TSEN15: variants seen among roughly 807,000 people sequenced by gnomAD.
TSEN15 encodes the protein tRNA splicing endonuclease subunit 15.
A neutral mutation model predicts 20.5 loss-of-function variants in TSEN15; 10 were observed. The ratio of observed to expected loss-of-function variants is 0.49; its 90% confidence interval spans 0.30 to 0.83. TSEN15 has a LOEUF of 0.83. Among genes scored for constraint, TSEN15 ranks in the 40% least tolerant of loss-of-function variants. The probability of loss-of-function intolerance (pLI) is 0.06; values close to 1 mark genes in which losing one functional copy is unlikely to be tolerated. For synonymous variants in TSEN15, 72 were observed against 80.1 expected (o/e 0.90, Z 0.54); for missense variants, 180 against 218.6 (o/e 0.82, Z 1.11).
At chr1:184,060,926 T>A (rs999675275) in intron 3 of TSEN15, among the ~76,000 whole-genome samples, 12 of 152,234 alleles carry the variant, frequency 7.9e-5, no homozygotes, top group Admixed American at 5.2e-4. Flanking sequence ...ACTCTTGTAA[T>A]TATAACTAAG....
intron 3 of TSEN15, chr1:184,058,103 A>G (rs985993858): frequency 2.6e-6 from 1 of 384,750 alleles, no homozygotes; most frequent in Non-Finnish European, 5.0e-6. Context: ...AATCAAAATC[A>G]TTTCATAAGT....
Position 184,051,785 on chromosome 1 carries a change from C to A in TSEN15, c.30C>A (p.Thr10=), listed in dbSNP as rs1171727196. 19 of 1,519,328 alleles carry A rather than the reference C, an allele frequency of 1.3e-5. No homozygotes were observed. The highest frequency in any genetic ancestry group is 1.6e-5 in the Non-Finnish European group (18 of 1,134,146). The allele number at this position is 1,519,328 out of a possible 1,614,324, so 94.1% of individuals were successfully genotyped here. The change falls in exon 1 of 5, where the codon ACC becomes ACA. Residue 10 remains threonine (T), a synonymous_variant. Transcript: ENST00000645668. ...AGGAGCGCGGCGATTCCGAGCCGAC[C>A]CCCGGCTGCAGCGGCCTGGGTCCGG... is the stretch of plus-strand genomic sequence containing the variant. The part of the protein sequence containing the change: MEERGDSEP[T]PGCSGLGPGG...
rs775231311 is a variant in TSEN15 at position 184,051,799 on chromosome 1, G to C, written c.44G>C (p.Gly15Ala). 2 of 1,531,364 alleles carry C rather than the reference G, an allele frequency of 1.3e-6. No homozygotes were observed. The highest frequency in any genetic ancestry group is 2.0e-5 in the Admixed American group (1 of 50,076). The allele number at this position is 1,531,364 out of a possible 1,614,324, so 94.9% of individuals were successfully genotyped here. A position where few individuals can be genotyped will look rare whatever the true frequency, so the allele number is the denominator to read the frequency against. ...GDSEPTPGCS[G>A]LGPGGVRGFG... is the part of the protein sequence containing the mutation. ...TCCGAGCCGACCCCCGGCTGCAGCG[G>C]CCTGGGTCCGGGCGGTGTTCGCGGC... The change falls in exon 1 of 5, where the codon GGC (glycine) becomes GCC (alanine). Residue 15 changes from glycine (G) to alanine (A), a missense_variant. Physicochemically the swap from Gly to Ala is moderately conservative, Grantham distance 60. Coordinates refer to ENST00000645668, the MANE Select transcript of TSEN15 (RefSeq NM_052965.4).
intron 3 of TSEN15, among the ~76,000 whole-genome samples, chr1:184,065,670 TG>T (rs1475825233): frequency 6.6e-6 from 1 of 152,226 alleles, no homozygotes; most frequent in Non-Finnish European, 1.5e-5. Context: ...CCTGCTAGCA[TG>T]GCATTTTGGG....
chr1:184,081,422 T>G (rs1311726469), intron 3 of TSEN15, among the ~76,000 whole-genome samples: 2 of 152,192 alleles, frequency 1.3e-5, no homozygotes, highest in Non-Finnish European at 2.9e-5. Flanking sequence ...CAGTGTTGCT[T>G]ACTGCAATTA....
At chr1:184,052,082 C>G (rs1650075746) in intron 1 of TSEN15, among the ~76,000 whole-genome samples, 192 bp downstream of exon 1, 1 of 152,200 alleles carries the variant, frequency 6.6e-6, no homozygotes, top group South Asian at 2.1e-4. Flanking sequence ...GTTGCACTAT[C>G]TCAATCCCCC....
At position 184,054,914 on chromosome 1, in the gene TSEN15, A is replaced by G. The variant is rs74131418; in HGVS notation, c.353+51A>G. ...TCCTTTCCCGAGTAAAGCAGTAGGA[A>G]ACATTAAACATAGTGATGTAATACT... On this transcript the variant is annotated intron_variant, in intron 3 of 4. Transcript: ENST00000645668. 1,004 of 1,565,400 alleles carry G rather than the reference A, an allele frequency of 6.4e-4. 6 individuals carry two copies. In the African/African-American group the frequency reaches 0.011, roughly 17 times the overall value.
intron 3 of TSEN15, among the ~76,000 whole-genome samples, chr1:184,055,516 TGGTA>T (rs1223182848): frequency 6.6e-6 from 1 of 152,200 alleles, no homozygotes; most frequent in Non-Finnish European, 1.5e-5. Flanking sequence ...TTTATATTCT[TGGTA>T]AGGAAGCAAG....
At chr1:184,084,396 C>G (rs1408707317) in intron 3 of TSEN15, among the ~76,000 whole-genome samples, 1 of 151,048 alleles carries the variant, frequency 6.6e-6, no homozygotes, top group East Asian at 2.0e-4. Context: ...CTATCACACC[C>G]CATCCCACCT....
At chr1:184,071,743 G>C (rs1191651419) in intron 3 of TSEN15, among the ~76,000 whole-genome samples, 1 of 151,920 alleles carries the variant, frequency 6.6e-6, no homozygotes, top group Non-Finnish European at 1.5e-5. Context: ...GTGATATATA[G>C]AAAACAAATA....
rs564588571 is a variant in TSEN15, at chr1:184,059,306, C to T, written c.353+4443C>T. Among the ~76,000 whole-genome samples the T allele has an allele frequency of 8.0e-4, 121 of 152,190 alleles. 1 individual carries two copies. Among genetic ancestry groups the T allele is most frequent in the Admixed American group, 2.0e-3 (30 of 15,296 alleles). ...ACTGCAAGTAATTAAGCATGATTGC[C>T]TACCTAGCATGGTGTCTAGTCAGAG... is the stretch of plus-strand genomic sequence containing the variant. On this transcript the variant is annotated intron_variant, in intron 3 of 4. Transcript: ENST00000645668.
chr1:184,068,171 A>G (rs1024723168), intron 3 of TSEN15, among the ~76,000 whole-genome samples: 3 of 151,394 alleles, frequency 2.0e-5, no homozygotes, highest in African/African-American at 7.3e-5. Context: ...ATTCTGGAGT[A>G]GAGGGTTACT....
At chr1:184,083,844 G>A (rs1651212804) in intron 3 of TSEN15, among the ~76,000 whole-genome samples, 3 of 152,020 alleles carry the variant, frequency 2.0e-5, no homozygotes, top group Non-Finnish European at 2.9e-5. Flanking sequence ...TCTTTATTTT[G>A]GTGATCCTAT....
chr1:184,072,776 G>T (rs1190811966), intron 4 of TSEN15, 51 bp from the exon 5 acceptor site: 5 of 1,539,592 alleles, frequency 3.2e-6, no homozygotes, highest in East Asian at 2.3e-5. Context: ...TTTGCTTTTG[G>T]ATTACATTGT....
intron 3 of TSEN15, among the ~76,000 whole-genome samples, chr1:184,084,416 T>C (rs1651225617): frequency 6.6e-6 from 1 of 151,834 alleles, no homozygotes; most frequent in South Asian, 2.1e-4. Flanking sequence ...TATGATGGTT[T>C]TAAGATATTA....
chr1:184,058,228 G>A (rs984915194), intron 3 of TSEN15: 3 of 422,408 alleles, frequency 7.1e-6, no homozygotes, highest in African/African-American at 4.1e-5. Flanking sequence ...GAATTAGTTG[G>A]AATGATAACT....
chr1:184,095,898 C>T, exon 4 of TSEN15: 1 of 396,104 alleles, frequency 2.5e-6, no homozygotes, highest in Non-Finnish European at 4.5e-6. Context: ...ACGTAAAATG[C>T]TTTGGTACAG....
exon 4 of TSEN15, chr1:184,095,711 T>C (rs1651438396): frequency 2.5e-6 from 1 of 397,652 alleles, no homozygotes. Flanking sequence ...AGAAAGCCCA[T>C]ATGAGGACAC....
At chr1:184,077,188 AAATT>A (rs1240464388), downstream of TSEN15, among the ~76,000 whole-genome samples, 1 of 152,114 alleles carries the variant, frequency 6.6e-6, no homozygotes, top group Non-Finnish European at 1.5e-5. Flanking sequence ...GCTGATGACT[AAATT>A]AAAGCCAATG....
Sources: gnomAD v4.1 joint callset for allele counts (sites outside exome capture counted in the v4.1 genomes callset) on GRCh38, gnomAD v4.1.1 for gene constraint, MANE v1.5 for transcripts, NCBI Gene and HGNC (gene_info 2026-07-23, HGNC 2026-07-21) for gene names.